ECE1: variants seen among roughly 807,000 people sequenced by gnomAD.
The protein encoded by ECE1 is endothelin converting enzyme 1, also known as endothelin-converting enzyme 1.
A neutral mutation model predicts 98.6 loss-of-function variants in ECE1; 35 were observed. That is an observed-to-expected ratio of 0.35 (90% CI 0.27 to 0.47). The LOEUF (loss-of-function observed/expected upper bound fraction) is 0.47, where lower values mean the gene tolerates loss of function less well. ECE1 is among the 20% of genes least tolerant of loss of function. The pLI is 1.00. For missense variants in ECE1, 814 were observed against 1,025.3 expected, an observed-to-expected ratio of 0.79 and a Z score of 2.81; for synonymous variants, 394 against 407.1, an observed-to-expected ratio of 0.97 and a Z score of 0.39.
At chr1:21,305,961 C>CT (rs1335277470) in intron 1 of ECE1, among the ~76,000 whole-genome samples, 2 of 152,186 alleles carry the variant, frequency 1.3e-5, no homozygotes, top group Non-Finnish European at 2.9e-5. Flanking sequence ...CCAAGGGCTG[C>CT]TAGGAACAAA....
chr1:21,275,883 C>G (rs1417039237), intron 3 of ECE1, among the ~76,000 whole-genome samples: 1 of 152,148 alleles, frequency 6.6e-6, no homozygotes, highest in African/African-American at 2.4e-5. Flanking sequence ...GGTGCCTGCT[C>G]TGCTACTGTG....
chr1:21,228,153 T>G, intron 14 of ECE1, 112 bp from the exon 15 acceptor site: 1 of 754,596 alleles, frequency 1.3e-6, no homozygotes, highest in Non-Finnish European at 2.1e-6. Context: ...AAATGCAGAC[T>G]CTCCTTGACC....
Position 21,235,895 on chromosome 1 carries a change from G to C in ECE1, c.1521C>G (p.Pro507=). ...GCTCCTTGGGATCCATGATGAAGTT[G>C]GGGTATCCTATCATGTTGTAGATGG... is the stretch of plus-strand genomic sequence containing the variant. ...ADAIYNMIGY[P]NFIMDPKELD... is the part of the protein sequence containing the mutation. Residue 507 remains proline, a synonymous_variant, in exon 13 of 19, where the codon CCC becomes CCG. Coordinates refer to ENST00000374893, the MANE Select transcript of ECE1 (RefSeq NM_001397.3). The surrounding 1 kb of genome is among the most constrained non-coding windows in gnomAD (Gnocchi z 4.2). 1 of 1,614,188 alleles carries C rather than the reference G, an allele frequency of 6.2e-7. No individual in the cohort carries two copies. The highest frequency in any genetic ancestry group is 8.5e-7 in the Non-Finnish European group (1 of 1,180,040).
chr1:21,312,460 T>A (rs1303579119), intron 1 of ECE1, among the ~76,000 whole-genome samples: 1 of 149,648 alleles, frequency 6.7e-6, no homozygotes, highest in Non-Finnish European at 1.5e-5. Flanking sequence ...TTTAAAAATT[T>A]AAAAAATTAG....
chr1:21,274,767 G>A (rs538437336), intron 3 of ECE1, among the ~76,000 whole-genome samples: 1 of 152,232 alleles, frequency 6.6e-6, no homozygotes, highest in African/African-American at 2.4e-5. Flanking sequence ...GGAAAATCAG[G>A]GTGATCTGAC....
chr1:21,328,832 G>C (rs945425638), intron 1 of ECE1, among the ~76,000 whole-genome samples: 18 of 151,560 alleles, frequency 1.2e-4, no homozygotes, highest in African/African-American at 3.6e-4. Flanking sequence ...TTGGGTATTA[G>C]GAGGAACACA....
intron 10 of ECE1, 117 bp from the exon 11 acceptor site, chr1:21,238,361 G>A (rs2098191088): frequency 1.2e-6 from 1 of 819,530 alleles, no homozygotes; most frequent in African/African-American, 1.7e-5. Context: ...TTCAGGGAGA[G>A]CTTTCCGACC....
At chr1:21,321,646 C>T (rs951822885) in intron 1 of ECE1, among the ~76,000 whole-genome samples, 1 of 151,370 alleles carries the variant, frequency 6.6e-6, no homozygotes, top group Non-Finnish European at 1.5e-5. Context: ...GATGGAGTCT[C>T]GCTCTGTTGC....
chr1:21,309,137 T>A (rs575068066), intron 1 of ECE1, among the ~76,000 whole-genome samples: 1 of 152,290 alleles, frequency 6.6e-6, no homozygotes, highest in African/African-American at 2.4e-5. Context: ...CACACTGGGG[T>A]TCCAGAGTTC....
intron 1 of ECE1, among the ~76,000 whole-genome samples, chr1:21,309,844 T>G (rs1411666107): frequency 5.5e-4 from 79 of 144,090 alleles, no homozygotes; most frequent in Middle Eastern, 3.9e-3. Flanking sequence ...CAGGCTAGAG[T>G]GTAGTGGCGC....
At chr1:21,332,079 G>T (rs530281105) in intron 1 of ECE1, among the ~76,000 whole-genome samples, 3 of 152,288 alleles carry the variant, frequency 2.0e-5, no homozygotes, top group African/African-American at 7.2e-5. Context: ...CAGCCTTACT[G>T]CACCCTCCCC....
chr1:21,250,023 C>T (rs927239093), intron 8 of ECE1, among the ~76,000 whole-genome samples: 1 of 151,552 alleles, frequency 6.6e-6, no homozygotes, highest in African/African-American at 2.4e-5. Flanking sequence ...TGGTGATCCA[C>T]CCGTCTTGGC....
chr1:21,329,640 A>G (rs1479578184), intron 1 of ECE1, among the ~76,000 whole-genome samples: 26 of 152,206 alleles, frequency 1.7e-4, no homozygotes. Flanking sequence ...TGCTCGGGGC[A>G]AACAGTGGAA....
At chr1:21,251,526 A>T (rs2098212820) in intron 8 of ECE1, among the ~76,000 whole-genome samples, 1 of 152,224 alleles carries the variant, frequency 6.6e-6, no homozygotes, top group African/African-American at 2.4e-5. Context: ...AAACAAAAAC[A>T]AAAACAAAAC....
At chr1:21,302,259 C>G (rs969747604) in intron 1 of ECE1, among the ~76,000 whole-genome samples, 4 of 152,216 alleles carry the variant, frequency 2.6e-5, no homozygotes, top group African/African-American at 4.8e-5. Flanking sequence ...CCACCTCCCC[C>G]TCTTCTGGCC....
At chr1:21,336,937 A>G (rs942555926) in intron 1 of ECE1, among the ~76,000 whole-genome samples, 3 of 151,876 alleles carry the variant, frequency 2.0e-5, no homozygotes, top group Admixed American at 6.6e-5. Context: ...AGGCTGAGAC[A>G]GGGGCAGGAG....
At chr1:21,316,431 G>A (rs1432043690) in intron 1 of ECE1, among the ~76,000 whole-genome samples, 2 of 151,024 alleles carry the variant, frequency 1.3e-5, no homozygotes, top group East Asian at 3.9e-4. Flanking sequence ...ACCACACTGA[G>A]CTAATTTTTG....
intron 3 of ECE1, among the ~76,000 whole-genome samples, chr1:21,278,140 G>A (rs960365328): frequency 6.6e-6 from 1 of 152,238 alleles, no homozygotes; most frequent in Non-Finnish European, 1.5e-5. Flanking sequence ...CCCAGAGGCT[G>A]CTCAACTAGG....
At chr1:21,341,455 G>A (rs569171270) in intron 1 of ECE1, among the ~76,000 whole-genome samples, 2 of 152,256 alleles carry the variant, frequency 1.3e-5, no homozygotes, top group African/African-American at 4.8e-5. Flanking sequence ...CCGTAGACAT[G>A]AAAGTGTGGA....
Sources: gnomAD v4.1 joint callset for allele counts (sites outside exome capture counted in the v4.1 genomes callset) on GRCh38, gnomAD v4.1.1 for gene constraint, Gnocchi (gnomAD v3.1) non-coding constraint, MANE v1.5 for transcripts, NCBI Gene and HGNC (gene_info 2026-07-23, HGNC 2026-07-21) for gene names.